CRYBA4: variants seen among roughly 807,000 people sequenced by gnomAD.
CRYBA4 encodes the protein crystallin beta A4.
Under a neutral mutation model 31.7 loss-of-function variants are expected in CRYBA4, and 30 were observed. That is an observed-to-expected ratio of 0.95 (90% CI 0.71 to 1.28). CRYBA4 has a LOEUF of 1.28. Ranked by LOEUF, CRYBA4 falls within the 50% of genes most tolerant of loss-of-function variation. CRYBA4 has a pLI of 0.00. For synonymous variants in CRYBA4, 102 were observed against 102.3 expected, an observed-to-expected ratio of 1.00 and a Z score of 0.02; for missense variants, 225 against 260.7, an observed-to-expected ratio of 0.86 and a Z score of 0.94.
chr22:26,608,018 C>G, the CRYBA4 span: 1 of 1,614,162 alleles, frequency 6.2e-7, no homozygotes. Flanking sequence ...CAAAGGCGAC[C>G]CAGCTGGATA....
chr22:26,622,544 A>G, intron 1 of CRYBA4, 41 bp from the exon 2 acceptor site: 1 of 1,564,956 alleles, frequency 6.4e-7, no homozygotes, highest in Non-Finnish European at 8.8e-7. Flanking sequence ...AGGAGAGCAG[A>G]GGGTCAGGGT....
At chr22:26,601,859 C>T in the CRYBA4 span, 20 of 1,611,592 alleles carry the variant, frequency 1.2e-5, no homozygotes, top group African/African-American at 2.7e-4. Context: ...GGACGCGGAC[C>T]TGGCAGGAGG....
upstream of CRYBA4, among the ~76,000 whole-genome samples, chr22:26,620,003 C>CTTTTTTTTTTTTTT (rs57928877): frequency 2.2e-5 from 3 of 138,376 alleles, no homozygotes; most frequent in Non-Finnish European, 3.1e-5. Flanking sequence ...TTTTTCTTTT[C>CTTTTTTTTTTTTTT]TTTTTTTTTT....
upstream of CRYBA4, among the ~76,000 whole-genome samples, chr22:26,617,213 C>T (rs1365152411): frequency 6.6e-6 from 1 of 152,150 alleles, no homozygotes; most frequent in Non-Finnish European, 1.5e-5. Flanking sequence ...TGGTCAATTC[C>T]AGTGGTTCCT....
the CRYBA4 span, among the ~76,000 whole-genome samples, chr22:26,598,016 G>A: frequency 6.6e-6 from 1 of 152,038 alleles, no homozygotes; most frequent in Non-Finnish European, 1.5e-5. Flanking sequence ...CCAAGTAGCT[G>A]GGATTACAGG....
the CRYBA4 span, among the ~76,000 whole-genome samples, chr22:26,600,980 T>A: frequency 3.3e-5 from 5 of 152,206 alleles, no homozygotes; most frequent in African/African-American, 1.2e-4. Flanking sequence ...TCCTTGAAGG[T>A]AGGAACTTGG....
the CRYBA4 span, among the ~76,000 whole-genome samples, chr22:26,597,125 A>T: frequency 6.6e-6 from 1 of 152,268 alleles, no homozygotes; most frequent in Admixed American, 6.5e-5. Flanking sequence ...TGGTGTCTCA[A>T]CTTTGAAGCT....
the CRYBA4 span, among the ~76,000 whole-genome samples, chr22:26,605,741 G>T: frequency 2.1e-5 from 3 of 144,744 alleles, no homozygotes; most frequent in Non-Finnish European, 4.6e-5. Context: ...AGTAGAAGAT[G>T]GTCAGGTTTA....
At chr22:26,617,411 G>A (rs747141698), upstream of CRYBA4, among the ~76,000 whole-genome samples, 1 of 152,162 alleles carries the variant, frequency 6.6e-6, no homozygotes, top group Non-Finnish European at 1.5e-5. Flanking sequence ...GAGCTAGTTG[G>A]GATAAGCACA....
chr22:26,627,964 T>C lies in CRYBA4; in HGVS notation c.301-324T>C, dbSNP rs914524402. ...CGCCGGGCCTCTACACCCTTTTTCTTAACCACAGTGTAATGCCTCAGCTTA... is the reference window on the plus strand; with the variant it reads ...CGCCGGGCCTCTACACCCTTTTTCTCAACCACAGTGTAATGCCTCAGCTTA... On this transcript the variant is annotated intron_variant, in intron 4 of 5. Coordinates refer to ENST00000354760, the MANE Select transcript of CRYBA4 (RefSeq NM_001886.3). 2.6e-5 allele frequency among the ~76,000 whole-genome samples: 4 copies of C among 152,286 alleles called. No homozygotes were observed. In the South Asian group the frequency reaches 8.3e-4, roughly 32 times the overall value.
chr22:26,630,464 A>C lies in CRYBA4; in HGVS notation c.568A>C (p.Ser190Arg). 1 of 1,613,942 alleles carries C rather than the reference A, an allele frequency of 6.2e-7. No individual in the cohort carries two copies. Among genetic ancestry groups the C allele is most frequent in the Non-Finnish European group, 8.5e-7 (1 of 1,180,006 alleles). ...GSHAPTFQVQSIRRIQQ is the reference protein window; with the variant it reads ...GSHAPTFQVQRIRRIQQ ...TCATGCCCCGACCTTCCAGGTGCAG[A>C]GCATCCGCAGGATCCAGCAGTGAAC... Residue 190 changes from serine to arginine, a missense_variant, in exon 6 of 6, where the codon AGC becomes CGC. Ser to Arg is a moderately radical substitution (Grantham distance 110, BLOSUM62 -1). Coordinates refer to ENST00000354760, the MANE Select transcript of CRYBA4 (RefSeq NM_001886.3).
upstream of CRYBA4, among the ~76,000 whole-genome samples, chr22:26,618,698 G>A (rs920453606): frequency 1.3e-5 from 2 of 152,222 alleles, no homozygotes; most frequent in African/African-American, 4.8e-5. Flanking sequence ...CCAGCTCTGG[G>A]CCTGTGTGCT....
At chr22:26,612,140 C>G in the CRYBA4 span, 14 of 1,613,868 alleles carry the variant, frequency 8.7e-6, no homozygotes, top group East Asian at 2.5e-4. Flanking sequence ...AGCACTCCCC[C>G]GAGAATTCTG....
chr22:26,608,129 T>G, the CRYBA4 span: 3 of 1,525,080 alleles, frequency 2.0e-6, no homozygotes, highest in Non-Finnish European at 2.7e-6. Context: ...CTGAGGACAG[T>G]AGGAAAGTCC....
At chr22:26,610,930 C>T in the CRYBA4 span, among the ~76,000 whole-genome samples, 63 of 152,190 alleles carry the variant, frequency 4.1e-4, no homozygotes, top group Non-Finnish European at 3.4e-4. Flanking sequence ...GACTGGAACC[C>T]TTGCAGGCTT....
At chr22:26,595,033 C>A in the CRYBA4 span, among the ~76,000 whole-genome samples, 1 of 152,152 alleles carries the variant, frequency 6.6e-6, no homozygotes, top group Non-Finnish European at 1.5e-5. Flanking sequence ...TTTATGGTTC[C>A]TAAGTCACAC....
chr22:26,613,343 C>G, the CRYBA4 span, among the ~76,000 whole-genome samples: 1 of 152,224 alleles, frequency 6.6e-6, no homozygotes, highest in Non-Finnish European at 1.5e-5. Context: ...AGCACTTCCA[C>G]TTCTACCTTT....
At chr22:26,601,475 A>G in the CRYBA4 span, among the ~76,000 whole-genome samples, 2 of 151,582 alleles carry the variant, frequency 1.3e-5, no homozygotes, top group African/African-American at 2.4e-5. Context: ...TTATGATGCA[A>G]ATTCACTGCT....
At chr22:26,611,725 C>T in the CRYBA4 span, among the ~76,000 whole-genome samples, 14 of 152,120 alleles carry the variant, frequency 9.2e-5, no homozygotes, top group Non-Finnish European at 2.1e-4. Flanking sequence ...CCACCCGCCT[C>T]GGCCTCCCAA....
Sources: gnomAD v4.1 joint callset for allele counts (sites outside exome capture counted in the v4.1 genomes callset) on GRCh38, gnomAD v4.1.1 for gene constraint, MANE v1.5 for transcripts, NCBI Gene and HGNC (gene_info 2026-07-23, HGNC 2026-07-21) for gene names.